ANKAR: variants seen among roughly 807,000 people sequenced by gnomAD.
ANKAR encodes the protein ankyrin and armadillo repeat containing, also known as ankyrin and armadillo repeat-containing protein.
A neutral mutation model predicts 146.2 loss-of-function variants in ANKAR; 136 were observed. The ratio of observed to expected loss-of-function variants is 0.93; its 90% CI spans 0.81 to 1.07. The LOEUF is 1.07. Ranked by LOEUF, ANKAR falls within the 50% of genes least tolerant of loss-of-function variation. The probability of loss-of-function intolerance (pLI) is 0.00; values close to 1 mark genes in which losing one functional copy is unlikely to be tolerated. For missense variants in ANKAR, 1,567 were observed against 1,679.9 expected (o/e 0.93, Z 1.18); for synonymous variants, 500 against 575.8 (o/e 0.87, Z 1.88).
chr2:189,743,131 A>G (rs1055392125), intron 20 of ANKAR, 144 bp from the exon 21 acceptor site: 69 of 710,214 alleles, frequency 9.7e-5, no homozygotes, highest in Non-Finnish European at 1.5e-4. Flanking sequence ...GCTTCCGTCT[A>G]TACACTGCCA....
At chr2:189,734,199 T>A (rs1011365073) in intron 17 of ANKAR, among the ~76,000 whole-genome samples, 2 of 152,238 alleles carry the variant, frequency 1.3e-5, no homozygotes, top group Admixed American at 6.5e-5. Flanking sequence ...CTGCCATAGT[T>A]CTTCGCTGTT....
chr2:189,748,633 G>A (rs2044559881), downstream of ANKAR, among the ~76,000 whole-genome samples: 2 of 152,338 alleles, frequency 1.3e-5, no homozygotes, highest in African/African-American at 4.8e-5. Flanking sequence ...AGGAAATGCG[G>A]AGGGAAATGG....
intron 12 of ANKAR, among the ~76,000 whole-genome samples, chr2:189,721,015 T>C (rs1168365528): frequency 6.6e-6 from 1 of 152,124 alleles, no homozygotes; most frequent in Admixed American, 6.6e-5. Context: ...CAAGACAGAG[T>C]CTCAGTCTGT....
At position 189,746,401 on chromosome 2, in the gene ANKAR, TA is replaced by T. The variant is rs2044174208; in HGVS notation, c.4083del (p.Lys1361AsnfsTer10). 2.5e-6 allele frequency: 4 copies of T among 1,606,084 alleles called. No individual in the cohort carries two copies. The highest frequency in any genetic ancestry group is 3.4e-6 in the Non-Finnish European group (4 of 1,177,970). ...FKRGKEHRRK[L>X]KPKIQPKDSL... ...TTAGGGAAGGAGCACCGAAGAAAATTAAAACCTAAAATTCAACCAAAAGATT... is the reference window on the plus strand; with the variant it reads ...TTAGGGAAGGAGCACCGAAGAAAATTAAACCTAAAATTCAACCAAAAGATT... On this transcript the variant is annotated frameshift_variant, in exon 23 of 23. Coordinates refer to ENST00000684021, the MANE Select transcript of ANKAR (RefSeq NM_001378068.1). LOFTEE classifies it high-confidence loss of function.
intron 10 of ANKAR, among the ~76,000 whole-genome samples, chr2:189,714,703 T>C (rs1198807881): frequency 1.3e-5 from 2 of 151,942 alleles, no homozygotes; most frequent in East Asian, 1.9e-4. Context: ...TCCCAGAACC[T>C]TGGGAGGCTG....
intron 15 of ANKAR, among the ~76,000 whole-genome samples, chr2:189,729,716 G>GTGTGTGTGT (rs1553529034): frequency 2.9e-5 from 2 of 69,472 alleles, no homozygotes; most frequent in Middle Eastern, 9.4e-3. Context: ...GTGTGTGTGT[G>GTGTGTGTGT]GTGCGGGTGG....
chr2:189,759,801 C>T (rs965265206), intron 18 of ANKAR, among the ~76,000 whole-genome samples: 14 of 151,664 alleles, frequency 9.2e-5, no homozygotes, highest in East Asian at 1.9e-4. Flanking sequence ...GGGTGTTTCT[C>T]GGAGAGGGGG....
At chr2:189,751,444 GTT>G (rs779920289), downstream of ANKAR, among the ~76,000 whole-genome samples, 14 of 126,120 alleles carry the variant, frequency 1.1e-4, no homozygotes, top group Non-Finnish European at 1.1e-4. Context: ...GACAAGTTGT[GTT>G]TTTTTTTTTT....
At chr2:189,688,503 C>T (rs1046342796) in intron 2 of ANKAR, among the ~76,000 whole-genome samples, 4 of 152,098 alleles carry the variant, frequency 2.6e-5, no homozygotes, top group African/African-American at 9.7e-5. Flanking sequence ...AGAACAGTGA[C>T]TGCTATTTTG....
intron 10 of ANKAR, among the ~76,000 whole-genome samples, chr2:189,719,217 T>C (rs570642386): frequency 2.8e-4 from 43 of 152,316 alleles, no homozygotes; most frequent in African/African-American, 9.6e-4. Flanking sequence ...GCGAAGTTGA[T>C]GCAATAACCA....
chr2:189,713,212 A>G (rs1374927573), intron 10 of ANKAR, among the ~76,000 whole-genome samples: 2 of 152,204 alleles, frequency 1.3e-5, no homozygotes, highest in African/African-American at 4.8e-5. Flanking sequence ...ATTATCCAGG[A>G]GAACTTCCCC....
At chr2:189,683,111 A>G (rs573038302) in intron 2 of ANKAR, among the ~76,000 whole-genome samples, 119 of 152,348 alleles carry the variant, frequency 7.8e-4, no homozygotes, top group African/African-American at 2.7e-3. Context: ...GGTACCGTCT[A>G]TGAACCAGGG....
At chr2:189,760,758 T>C (rs1486487057) in intron 18 of ANKAR, among the ~76,000 whole-genome samples, 2 of 151,644 alleles carry the variant, frequency 1.3e-5, no homozygotes, top group African/African-American at 4.8e-5. Flanking sequence ...GCCACTGCAC[T>C]CCAGCCTGGT....
chr2:189,698,386 TAA>T (rs78380602), intron 7 of ANKAR, among the ~76,000 whole-genome samples: 44 of 145,322 alleles, frequency 3.0e-4, no homozygotes, highest in African/African-American at 1.0e-3. Flanking sequence ...TTCTACAACT[TAA>T]AAAAAAAAAA....
In ANKAR at chr2:189,696,297, G is replaced by A. The variant is rs1352620981; in HGVS notation, c.1636G>A (p.Val546Ile). Residue 546 changes from valine (V) to isoleucine (I), a missense_variant, in exon 7 of 23, where the codon GTT becomes ATT. Physicochemically the swap from Val to Ile is conservative, Grantham distance 29. Coordinates refer to ENST00000684021, the MANE Select transcript of ANKAR (RefSeq NM_001378068.1). The part of the protein sequence containing the change: ...IFHHAALHNR[V>I]SIICQLCNAN... Reference sequence around the variant, plus strand: ...TCATCATGCTGCCCTGCACAACAGAGTTTCTATTATATGTCAACTGTGCAA... The same window carrying A: ...TCATCATGCTGCCCTGCACAACAGAATTTCTATTATATGTCAACTGTGCAA... 1.2e-6 allele frequency: 2 copies of A among 1,614,064 alleles called. No homozygotes were observed. The highest frequency in any genetic ancestry group is 1.7e-6 in the Non-Finnish European group (2 of 1,180,014).
intron 22 of ANKAR, 39 bp from the exon 23 acceptor site, chr2:189,746,341 G>A: frequency 6.4e-7 from 1 of 1,559,518 alleles, no homozygotes. Context: ...CTATACCTAG[G>A]GCTCTCAGGA....
chr2:189,700,255 T>C (rs2037870716), intron 7 of ANKAR, among the ~76,000 whole-genome samples: 1 of 152,196 alleles, frequency 6.6e-6, no homozygotes, highest in African/African-American at 2.4e-5. Context: ...AGATTAGTGG[T>C]TCCATTATCT....
At chr2:189,721,919 G>A (rs1350045014) in intron 12 of ANKAR, among the ~76,000 whole-genome samples, 1 of 152,196 alleles carries the variant, frequency 6.6e-6, no homozygotes. Flanking sequence ...ATTTAAGCAA[G>A]TGTCACTTTC....
chr2:189,720,207 C>G (rs1232306063), intron 11 of ANKAR, among the ~76,000 whole-genome samples: 2 of 152,060 alleles, frequency 1.3e-5, no homozygotes, highest in East Asian at 3.9e-4. Context: ...CATTCTCTCC[C>G]AAATAGTTAT....
Sources: allele counts gnomAD v4.1 joint callset (sites outside exome capture counted in the v4.1 genomes callset), GRCh38; gene constraint gnomAD v4.1.1; transcripts MANE v1.5; gene names NCBI Gene and HGNC (gene_info 2026-07-23, HGNC 2026-07-21).